The following GLG1 variants were observed in gnomAD, a reference collection of about 807,000 sequenced individuals.
The protein encoded by GLG1 is Golgi apparatus protein 1.
In GLG1, 38 loss-of-function variants were observed where a neutral mutation model predicts 160.5. That is an observed-to-expected ratio of 0.24 (90% CI 0.18 to 0.31). The LOEUF is 0.31. GLG1 is among the 10% of genes least tolerant of loss of function. GLG1 has a pLI of 1.00. For missense variants in GLG1, 1,373 were observed against 1,505.2 expected (o/e 0.91, Z 1.45); for synonymous variants, 644 against 543.4 (o/e 1.19, Z -2.57).
At chr16:74,555,870 C>T (rs1411214266) in intron 1 of GLG1, among the ~76,000 whole-genome samples, 2 of 147,148 alleles carry the variant, frequency 1.4e-5, no homozygotes, top group Non-Finnish European at 3.0e-5. Flanking sequence ...GTCTTGGTCT[C>T]GCTGTATCAC....
intron 1 of GLG1, among the ~76,000 whole-genome samples, chr16:74,571,972 G>C (rs2018839738): frequency 6.6e-6 from 1 of 152,174 alleles, no homozygotes; most frequent in South Asian, 2.1e-4. Flanking sequence ...CTAACTAAAA[G>C]CCTTGGAGTC....
intron 10 of GLG1, among the ~76,000 whole-genome samples, chr16:74,482,709 C>T (rs140609706): frequency 6.6e-6 from 1 of 152,070 alleles, no homozygotes; most frequent in East Asian, 1.9e-4. Flanking sequence ...TATCTGAAGG[C>T]GCTTTTGCCA....
At chr16:74,593,548 C>A (rs1029059499) in intron 1 of GLG1, among the ~76,000 whole-genome samples, 1 of 151,798 alleles carries the variant, frequency 6.6e-6, no homozygotes, top group African/African-American at 2.4e-5. Flanking sequence ...GATTCTCCTG[C>A]CTCAGCCTCC....
At chr16:74,593,770 T>G (rs1458674563) in intron 1 of GLG1, among the ~76,000 whole-genome samples, 1 of 152,104 alleles carries the variant, frequency 6.6e-6, no homozygotes, top group Non-Finnish European at 1.5e-5. Flanking sequence ...TTTCTTTTGC[T>G]GTCATTTGTT....
intron 1 of GLG1, among the ~76,000 whole-genome samples, chr16:74,535,259 G>T (rs2017657737): frequency 6.6e-6 from 1 of 152,220 alleles, no homozygotes; most frequent in South Asian, 2.1e-4. Context: ...TAACAGCTAT[G>T]ATCTAAAATT....
intron 2 of GLG1, among the ~76,000 whole-genome samples, chr16:74,510,239 C>A (rs999114192): frequency 8.6e-5 from 13 of 152,038 alleles, no homozygotes; most frequent in African/African-American, 3.1e-4. Flanking sequence ...CCATGTTGGT[C>A]AGGCTGGTCT....
chr16:74,508,099 G>A (rs1164510339), intron 3 of GLG1, among the ~76,000 whole-genome samples: 1 of 152,088 alleles, frequency 6.6e-6, no homozygotes, highest in East Asian at 1.9e-4. Context: ...AACACAGGCT[G>A]ATGGTTTATC....
chr16:74,506,464 C>A (rs1024276495), intron 3 of GLG1, among the ~76,000 whole-genome samples: 2 of 151,308 alleles, frequency 1.3e-5, no homozygotes, highest in Non-Finnish European at 2.9e-5. Context: ...TGCCTGTAGT[C>A]CCAGCTACTT....
At chr16:74,499,820 T>G (rs570273559) in intron 4 of GLG1, among the ~76,000 whole-genome samples, 7 of 151,920 alleles carry the variant, frequency 4.6e-5, no homozygotes, top group Admixed American at 2.6e-4. Flanking sequence ...TGGCTAACAC[T>G]GTGAAACCCC....
chr16:74,464,010 T>C (rs9922791), intron 19 of GLG1: 3,599 of 155,168 alleles, frequency 0.023, 124 homozygotes, highest in African/African-American at 0.082. Context: ...TTAACATCTA[T>C]CCAAAAGCTG....
chr16:74,496,801 C>T lies in GLG1; in HGVS notation c.775-157G>A, dbSNP rs2016206638. Among the ~76,000 whole-genome samples, 3 of 150,590 alleles carry T rather than the reference C, an allele frequency of 2.0e-5. No homozygotes were observed. The South Asian group carries it at 6.3e-4, about 32-fold the overall frequency. On this transcript the variant is annotated intron_variant, in intron 4 of 25. Coordinates refer to ENST00000422840, the MANE Select transcript of GLG1 (RefSeq NM_001145667.2). ...ACTTATTAACGTTCTACCAAGAAAT[C>T]AAGTAAGAACCAACCACATTGTGGA...
rs2014320952 is a variant in GLG1 at position 74,451,904 on chromosome 16, T to G, written c.*1263A>C. On this transcript the variant is annotated 3_prime_UTR_variant, in exon 26 of 26. Coordinates refer to ENST00000422840, the MANE Select transcript of GLG1 (RefSeq NM_001145667.2). ...TCGCCAAAATACAACATTTAGCCAA[T>G]GCCTACTAGAGTGGGTACACGCAGC... 4.8e-6 allele frequency: 3 copies of G among 621,542 alleles called. No homozygotes were observed. In the South Asian group the frequency reaches 5.8e-5, roughly 12 times the overall value. The allele number at this position is 621,542 out of a possible 1,614,324, so 38.5% of individuals were successfully genotyped here.
rs56175030 is a variant in GLG1 at position 74,506,581 on chromosome 16, C to CAAAA, written c.558+2254_558+2257dup. Among the ~76,000 whole-genome samples the CAAAA allele has an allele frequency of 3.8e-4, 15 of 39,054 alleles. 2 individuals are homozygous for CAAAA. The highest frequency in any genetic ancestry group is 6.6e-4 in the African/African-American group (6 of 9,102). 25.6% of individuals were successfully genotyped at this position (39,054 alleles called of 152,430 possible). A position where few individuals can be genotyped will look rare whatever the true frequency, so the allele number is the denominator to read the frequency against. On this transcript the variant is annotated intron_variant, in intron 3 of 25. Transcript: ENST00000422840. Reference sequence around the variant, plus strand: ...TGGGTTACAGAGCAAGACTCCGTCTCAAAAAAAAAAAAAAAAAAAAAAACT... The same window carrying CAAAA: ...TGGGTTACAGAGCAAGACTCCGTCTCAAAAAAAAAAAAAAAAAAAAAAAAAAACT...
At position 74,507,465 on chromosome 16, in the gene GLG1, G is replaced by A. The variant is rs139726313; in HGVS notation, c.558+1374C>T. ...AAAAAAACTACTTATGGCCGGGCACGGTGACTCATGCCTGTAATCCCAGCA... is the reference window on the plus strand; with the variant it reads ...AAAAAAACTACTTATGGCCGGGCACAGTGACTCATGCCTGTAATCCCAGCA... On this transcript the variant is annotated intron_variant, in intron 3 of 25. Transcript: ENST00000422840. Among the ~76,000 whole-genome samples, 115 of 152,174 alleles carry A rather than the reference G, an allele frequency of 7.6e-4. No individual in the cohort carries two copies. In the East Asian group the frequency reaches 0.019, roughly 25 times the overall value.
chr16:74,462,294 G>A, intron 21 of GLG1, 99 bp from the exon 22 acceptor site: 7 of 808,024 alleles, frequency 8.7e-6, no homozygotes, highest in South Asian at 3.2e-5. Context: ...ACAACCACAA[G>A]AACAAGAAAA....
At position 74,547,437 on chromosome 16, in the gene GLG1, T is replaced by C. The variant is rs1256487148; in HGVS notation, c.439-15284A>G. Among the ~76,000 whole-genome samples, 4 of 152,254 alleles carry C rather than the reference T, an allele frequency of 2.6e-5. No homozygotes were observed. The East Asian group carries it at 7.7e-4, about 29-fold the overall frequency. ...TCAGACACAACAAAAGTGTCTTGCATCTGTGTATTGGCTTAAGGCTCAGTT... is the reference window on the plus strand; with the variant it reads ...TCAGACACAACAAAAGTGTCTTGCACCTGTGTATTGGCTTAAGGCTCAGTT... On this transcript the variant is annotated intron_variant, in intron 1 of 25. Transcript: ENST00000422840.
At chr16:74,485,662 T>C in intron 9 of GLG1, 134 bp downstream of exon 9, 1 of 718,406 alleles carries the variant, frequency 1.4e-6, no homozygotes. Context: ...TAATAAAAGT[T>C]GGTGTATGTT....
chr16:74,554,951 G>T (rs963502029), intron 1 of GLG1, among the ~76,000 whole-genome samples: 1 of 152,146 alleles, frequency 6.6e-6, no homozygotes, highest in African/African-American at 2.4e-5. Flanking sequence ...AGGAGTTTGA[G>T]GCTGCAATGA....
At chr16:74,514,924 A>G (rs1170200399) in intron 2 of GLG1, among the ~76,000 whole-genome samples, 1 of 152,192 alleles carries the variant, frequency 6.6e-6, no homozygotes, top group East Asian at 1.9e-4. Flanking sequence ...CATAGGCTCA[A>G]AATAAAGGGA....
Sources: gnomAD v4.1 joint callset for allele counts (sites outside exome capture counted in the v4.1 genomes callset) on GRCh38, gnomAD v4.1.1 for gene constraint, MANE v1.5 for transcripts, NCBI Gene and HGNC (gene_info 2026-07-23, HGNC 2026-07-21) for gene names.